The following TMTC4 variants were observed in gnomAD, a reference collection of about 807,000 sequenced individuals.
TMTC4 encodes transmembrane O-mannosyltransferase targeting cadherins 4, also known as protein O-mannosyl-transferase TMTC4.
Under a neutral mutation model 86.0 loss-of-function variants are expected in TMTC4, and 65 were observed. The observed-to-expected ratio is 0.76, with a 90% CI of 0.62 to 0.93. The LOEUF (loss-of-function observed/expected upper bound fraction) is 0.93, where lower values mean the gene tolerates loss of function less well. TMTC4 is among the 40% of genes least tolerant of loss of function. The pLI, the probability that TMTC4 is intolerant of heterozygous loss-of-function variation, is 0.00. For synonymous variants in TMTC4, 379 were observed against 382.5 expected, an observed-to-expected ratio of 0.99 and a Z score of 0.11; for missense variants, 866 against 948.1, an observed-to-expected ratio of 0.91 and a Z score of 1.14.
intron 16 of TMTC4, among the ~76,000 whole-genome samples, chr13:100,613,827 TC>T (rs1878024485): frequency 5.5e-5 from 1 of 18,214 alleles, no homozygotes; most frequent in Non-Finnish European, 1.0e-4. Context: ...CCTCCCCCTC[TC>T]CCCCCTACCC....
At chr13:100,631,836 T>C (rs1224040053) in intron 12 of TMTC4, among the ~76,000 whole-genome samples, 1 of 151,834 alleles carries the variant, frequency 6.6e-6, no homozygotes, top group African/African-American at 2.4e-5. Context: ...TTACATTTTT[T>C]CAAAAAAAAG....
chr13:100,615,636 A>G (rs974124508), intron 15 of TMTC4, among the ~76,000 whole-genome samples: 1 of 152,126 alleles, frequency 6.6e-6, no homozygotes, highest in African/African-American at 2.4e-5. Flanking sequence ...TACTTTCAGT[A>G]GAGATGGGGT....
At chr13:100,648,186 T>TAA (rs2138949869) in intron 6 of TMTC4, among the ~76,000 whole-genome samples, 1 of 152,274 alleles carries the variant, frequency 6.6e-6, no homozygotes, top group East Asian at 1.9e-4. Context: ...TGGTCAGAGA[T>TAA]AAACCTAGTG....
chr13:100,637,548 A>G lies in TMTC4; in HGVS notation c.989T>C (p.Met330Thr). The G allele has an allele frequency of 6.2e-7, 1 of 1,613,372 alleles. No individual in the cohort carries two copies. Among genetic ancestry groups the G allele is most frequent in the South Asian group, 1.1e-5 (1 of 91,032 alleles). ...AGGCTCAGAACTCACCCTCACCAGC[A>G]TGCTGTCAGCAAAGGAGGCCGGGTT... ...VDNPASFADS[M>T]LVRAVNYNYY... The change falls in exon 9 of 19, where the codon ATG becomes ACG. Residue 330 changes from methionine (M) to threonine (T), a missense_variant. Coordinates refer to ENST00000342624, the MANE Select transcript of TMTC4 (RefSeq NM_032813.5).
At chr13:100,611,472 C>G (rs970770106) in intron 17 of TMTC4, among the ~76,000 whole-genome samples, 2 of 152,160 alleles carry the variant, frequency 1.3e-5, no homozygotes, top group South Asian at 4.1e-4. Context: ...ATAGTCCCAG[C>G]CACTCGGGAG....
At chr13:100,644,098 CTT>C (rs35254351) in intron 6 of TMTC4, among the ~76,000 whole-genome samples, 10 of 132,264 alleles carry the variant, frequency 7.6e-5, no homozygotes, top group East Asian at 2.3e-4. Flanking sequence ...GGGAGGCGCT[CTT>C]TTTTTTTTTT....
chr13:100,655,516 T>C (rs1382476363), intron 6 of TMTC4, among the ~76,000 whole-genome samples: 4 of 152,038 alleles, frequency 2.6e-5, no homozygotes, highest in Non-Finnish European at 5.9e-5. Context: ...TCATGAAGAG[T>C]CACACGATTC....
At chr13:100,667,779 T>C (rs1594382949) in intron 3 of TMTC4, among the ~76,000 whole-genome samples, 1 of 152,166 alleles carries the variant, frequency 6.6e-6, no homozygotes, top group Non-Finnish European at 1.5e-5. Flanking sequence ...GAATAACAGA[T>C]TGTTGAGAGG....
chr13:100,618,042 A>T (rs946296813), intron 15 of TMTC4, among the ~76,000 whole-genome samples: 12 of 152,108 alleles, frequency 7.9e-5, no homozygotes, highest in African/African-American at 2.2e-4. Flanking sequence ...CCTTGTAGAG[A>T]TCCTTCACCT....
intron 6 of TMTC4, among the ~76,000 whole-genome samples, chr13:100,652,220 T>A (rs908996375): frequency 6.6e-6 from 1 of 152,120 alleles, no homozygotes; most frequent in African/African-American, 2.4e-5. Context: ...TGGCTCAGCC[T>A]GTAATCCCAG....
chr13:100,624,439 C>A, intron 15 of TMTC4: 1 of 154,288 alleles, frequency 6.5e-6, no homozygotes, highest in South Asian at 1.9e-4. Flanking sequence ...CGCCAGCCCT[C>A]AGGGCCTGCG....
rs1014016422 is a variant in TMTC4 at position 100,674,358 on chromosome 13, G to C, written c.-208+386C>G. The C allele has an allele frequency of 4.2e-5, 41 of 976,498 alleles. No homozygotes were observed. In the Middle Eastern group the frequency reaches 2.1e-3, roughly 50 times the overall value. 60.5% of individuals were successfully genotyped at this position (976,498 alleles called of 1,614,324 possible). On this transcript the variant is annotated intron_variant, in intron 1 of 18. Coordinates refer to ENST00000342624, the MANE Select transcript of TMTC4 (RefSeq NM_032813.5). ...GGCCAGGCGCGGGGCCCCGCGGCCA[G>C]ATGGCCGCTCCGGGGACGCGCCGCA... is the stretch of plus-strand genomic sequence containing the variant.
At position 100,625,632 on chromosome 13, in the gene TMTC4, T is replaced by C. The variant is rs1320616196; in HGVS notation, c.1739A>G (p.Asn580Ser). The C allele has an allele frequency of 1.9e-6, 3 of 1,614,240 alleles. No individual in the cohort carries two copies. The South Asian group carries it at 3.3e-5, about 18-fold the overall frequency. ...TGCTGCTTCAAACCGTTTCAGGCTA[T>C]TCTGCACTATGCCTAGATTCATCCA... ...AAWMNLGIVQ[N>S]SLKRFEAAEQ... is the part of the protein sequence containing the mutation. Residue 580 changes from asparagine (N) to serine (S), a missense_variant, in exon 15 of 19, where the codon AAT becomes AGT. By Grantham distance (46) the Asn-to-Ser change is conservative. Coordinates refer to ENST00000342624, the MANE Select transcript of TMTC4 (RefSeq NM_032813.5).
At chr13:100,622,793 ATACTT>A (rs1234463456) in intron 15 of TMTC4, among the ~76,000 whole-genome samples, 1 of 151,932 alleles carries the variant, frequency 6.6e-6, no homozygotes, top group Non-Finnish European at 1.5e-5. Flanking sequence ...TATTATTATT[ATACTT>A]TAAGTTTTAG....
intron 3 of TMTC4, among the ~76,000 whole-genome samples, chr13:100,664,619 C>T (rs1886188419): frequency 6.6e-6 from 1 of 152,192 alleles, no homozygotes; most frequent in Non-Finnish European, 1.5e-5. Flanking sequence ...TGCTGTGCTT[C>T]TGCCAGCTCC....
At chr13:100,659,224 C>T (rs745737877) in intron 5 of TMTC4, among the ~76,000 whole-genome samples, 1 of 152,174 alleles carries the variant, frequency 6.6e-6, no homozygotes, top group Admixed American at 6.5e-5. Context: ...TCTGGGTTAA[C>T]GTCTGGGTTC....
intron 15 of TMTC4, among the ~76,000 whole-genome samples, 155 bp from the exon 16 acceptor site, chr13:100,614,585 T>C (rs1390569681): frequency 4.6e-5 from 7 of 151,702 alleles, no homozygotes; most frequent in African/African-American, 1.7e-4. Flanking sequence ...TAGTTTTTCA[T>C]ATCAACTCAT....
chr13:100,659,644 C>T (rs1885524800), intron 5 of TMTC4, among the ~76,000 whole-genome samples: 2 of 151,972 alleles, frequency 1.3e-5, no homozygotes, highest in Admixed American at 1.3e-4. Flanking sequence ...CTCCCAGGCT[C>T]TCCTCCTTGC....
upstream of TMTC4, chr13:100,674,862 C>CT: frequency 1.0e-6 from 1 of 977,628 alleles, no homozygotes; most frequent in Non-Finnish European, 1.2e-6. Flanking sequence ...CCGACCCCCC[C>CT]CGCGCCGCGC....
Sources: gnomAD v4.1 joint callset for allele counts (sites outside exome capture counted in the v4.1 genomes callset) on GRCh38, gnomAD v4.1.1 for gene constraint, MANE v1.5 for transcripts, NCBI Gene and HGNC (gene_info 2026-07-23, HGNC 2026-07-21) for gene names.